The following TBC1D22A variants were observed in gnomAD, a reference collection of about 807,000 sequenced individuals.
The protein encoded by TBC1D22A is putative GTPase activator.
In TBC1D22A, 38 loss-of-function variants were observed where a neutral mutation model predicts 60.2. The observed-to-expected ratio is 0.63, with a 90% CI of 0.49 to 0.83. The LOEUF (loss-of-function observed/expected upper bound fraction) is 0.83, where lower values mean the gene tolerates loss of function less well. Ranked by LOEUF, TBC1D22A falls within the 40% of genes least tolerant of loss-of-function variation. The pLI, the probability that TBC1D22A is intolerant of heterozygous loss-of-function variation, is 0.00. For synonymous variants in TBC1D22A, 302 were observed against 281.7 expected (o/e 1.07, Z -0.72); for missense variants, 628 against 701.0 (o/e 0.90, Z 1.18).
intron 4 of TBC1D22A, among the ~76,000 whole-genome samples, chr22:46,800,415 G>T (rs543297823): frequency 4.6e-4 from 70 of 152,130 alleles, no homozygotes; most frequent in African/African-American, 1.5e-3. Flanking sequence ...ACCCATCTTG[G>T]CCACTTCCTC....
At position 47,054,178 on chromosome 22, in the gene TBC1D22A, G is replaced by C. The variant is rs945638301; in HGVS notation, c.1329+16980G>C. Among the ~76,000 whole-genome samples, 3 of 152,210 alleles carry C rather than the reference G, an allele frequency of 2.0e-5. No individual in the cohort carries two copies. In the South Asian group the frequency reaches 6.2e-4, roughly 32 times the overall value. On this transcript the variant is annotated intron_variant, in intron 11 of 12. Transcript: ENST00000337137. ...GCTGCTAGGAGAGGAGGAAGGACGT[G>C]CAGGGACCCACAATGCAGTGAAAGA...
chr22:46,899,771 C>G (rs2068883779), intron 7 of TBC1D22A, among the ~76,000 whole-genome samples: 1 of 152,118 alleles, frequency 6.6e-6, no homozygotes, highest in Non-Finnish European at 1.5e-5. Context: ...TGTGTCCCAG[C>G]AGCTGCTCAT....
chr22:46,844,414 CT>C (rs1242237146), intron 4 of TBC1D22A, among the ~76,000 whole-genome samples: 1 of 152,194 alleles, frequency 6.6e-6, no homozygotes, highest in African/African-American at 2.4e-5. Flanking sequence ...ATTGTACCCC[CT>C]GTGGGCATTC....
intron 11 of TBC1D22A, among the ~76,000 whole-genome samples, chr22:47,089,570 G>T (rs1029443451): frequency 1.3e-5 from 2 of 152,236 alleles, no homozygotes; most frequent in African/African-American, 4.8e-5. Flanking sequence ...GGGTGAGCTC[G>T]TGTGGGAGGA....
At chr22:47,055,568 T>G (rs183517213) in intron 11 of TBC1D22A, among the ~76,000 whole-genome samples, 6 of 152,248 alleles carry the variant, frequency 3.9e-5, no homozygotes, top group Admixed American at 1.3e-4. Context: ...TGCTGTTAGC[T>G]GGGGTCATGG....
intron 12 of TBC1D22A, among the ~76,000 whole-genome samples, chr22:47,153,696 G>T (rs190046683): frequency 1.3e-5 from 2 of 152,160 alleles, no homozygotes; most frequent in African/African-American, 4.8e-5. Context: ...CCTAGAACCC[G>T]CAGGGTGTGG....
intron 10 of TBC1D22A, among the ~76,000 whole-genome samples, chr22:47,021,291 C>T (rs2062077834): frequency 6.8e-6 from 1 of 147,886 alleles, no homozygotes; most frequent in Admixed American, 6.7e-5. Flanking sequence ...AGCCTGGAGC[C>T]CTGAGCAGGG....
chr22:46,809,012 A>T (rs1276980378), intron 4 of TBC1D22A, among the ~76,000 whole-genome samples: 1 of 152,228 alleles, frequency 6.6e-6, no homozygotes, highest in Non-Finnish European at 1.5e-5. Context: ...CCTAATGTAG[A>T]TTATCTTAGG....
At chr22:46,840,039 A>C (rs1213002056) in intron 4 of TBC1D22A, among the ~76,000 whole-genome samples, 1 of 152,256 alleles carries the variant, frequency 6.6e-6, no homozygotes, top group Admixed American at 6.5e-5. Context: ...TGTTCTGCTC[A>C]GTGCCTTTTT....
intron 12 of TBC1D22A, among the ~76,000 whole-genome samples, chr22:47,115,087 T>A (rs990020438): frequency 5.9e-5 from 9 of 152,076 alleles, no homozygotes; most frequent in African/African-American, 2.2e-4. Context: ...ACAGCTGGGA[T>A]TGGTGCTGCA....
At chr22:46,914,200 T>C (rs930911835) in intron 8 of TBC1D22A, 5 of 151,998 alleles carry the variant, frequency 3.3e-5, no homozygotes, top group Admixed American at 2.6e-4. Context: ...CTTAAGGAGG[T>C]TGATGCAGAT....
chr22:46,882,327 G>T (rs1038777014), intron 5 of TBC1D22A, among the ~76,000 whole-genome samples: 1 of 152,140 alleles, frequency 6.6e-6, no homozygotes, highest in African/African-American at 2.4e-5. Context: ...TCACCTGTGG[G>T]TTTCCATTCT....
chr22:47,171,395 G>T (rs764386617), intron 12 of TBC1D22A, among the ~76,000 whole-genome samples: 7 of 152,114 alleles, frequency 4.6e-5, no homozygotes, highest in Non-Finnish European at 1.0e-4. Flanking sequence ...TTCTGTTTGG[G>T]GTGGGAGGTA....
chr22:47,011,355 A>G (rs1395192237), intron 10 of TBC1D22A, among the ~76,000 whole-genome samples: 1 of 152,134 alleles, frequency 6.6e-6, no homozygotes, highest in East Asian at 1.9e-4. Context: ...ACTCCTGACC[A>G]GCATCTTGTG....
At chr22:47,104,474 C>T (rs903833951) in intron 11 of TBC1D22A, among the ~76,000 whole-genome samples, 50 of 116,608 alleles carry the variant, frequency 4.3e-4, no homozygotes, top group African/African-American at 1.9e-3. Flanking sequence ...GCAAGTGGAT[C>T]ACCTGAGGTC....
At chr22:47,096,241 G>T (rs1371216322) in intron 11 of TBC1D22A, among the ~76,000 whole-genome samples, 1 of 152,114 alleles carries the variant, frequency 6.6e-6, no homozygotes, top group African/African-American at 2.4e-5. Flanking sequence ...GCAGTCTGTG[G>T]TTTCGCCTAA....
At chr22:46,832,342 C>T (rs907926205) in intron 4 of TBC1D22A, among the ~76,000 whole-genome samples, 7 of 152,188 alleles carry the variant, frequency 4.6e-5, no homozygotes, top group African/African-American at 1.4e-4. Context: ...GAAAAGAGTA[C>T]GTTTTCTTTT....
At chr22:46,837,648 A>G (rs2086580154) in intron 4 of TBC1D22A, among the ~76,000 whole-genome samples, 1 of 152,256 alleles carries the variant, frequency 6.6e-6, no homozygotes, top group Non-Finnish European at 1.5e-5. Context: ...AGAGGAAATT[A>G]AAGGGAAATA....
intron 12 of TBC1D22A, among the ~76,000 whole-genome samples, chr22:47,140,698 C>G (rs1216454232): frequency 6.6e-6 from 1 of 152,250 alleles, no homozygotes; most frequent in South Asian, 2.1e-4. Flanking sequence ...TGCCTTTGCT[C>G]CTTCTGCAGG....
Sources: allele counts gnomAD v4.1 joint callset (sites outside exome capture counted in the v4.1 genomes callset), GRCh38; gene constraint gnomAD v4.1.1; transcripts MANE v1.5; gene names NCBI Gene and HGNC (gene_info 2026-07-23, HGNC 2026-07-21).